Variants in PAPPA observed in about 807,000 individuals in gnomAD.
The protein encoded by PAPPA is pappalysin 1.
In PAPPA, 60 loss-of-function variants were observed where a neutral mutation model predicts 164.0. The observed-to-expected ratio is 0.37, with a 90% CI of 0.30 to 0.45. The LOEUF (loss-of-function observed/expected upper bound fraction) is 0.45. Ranked by LOEUF, PAPPA falls within the 20% of genes least tolerant of loss-of-function variation. PAPPA has a pLI of 1.00. For missense variants in PAPPA, 1,782 were observed against 2,087.3 expected, an observed-to-expected ratio of 0.85 and a Z score of 2.85; for synonymous variants, 875 against 814.1, an observed-to-expected ratio of 1.07 and a Z score of -1.27.
chr9:116,399,319 A>G lies in PAPPA; in HGVS notation c.*2703A>G, dbSNP rs760597287. 2.0e-5 allele frequency: 3 copies of G among 152,688 alleles called. No individual in the cohort carries two copies. The highest frequency in any genetic ancestry group is 4.4e-5 in the Non-Finnish European group (3 of 68,074). The allele number at this position is 152,688 out of a possible 1,614,324, so 9.5% of individuals were successfully genotyped here. A position where few individuals can be genotyped will look rare whatever the true frequency, so the allele number is the denominator to read the frequency against. ...ATTTGCCAAGGATATTAGGCAAAAG[A>G]GGCTACTTGATTGGTGGCCAACCTC... On this transcript the variant is annotated 3_prime_UTR_variant, in exon 22 of 22. Transcript: ENST00000328252.
At chr9:116,388,758 T>G (rs1846850029) in intron 21 of PAPPA, among the ~76,000 whole-genome samples, 1 of 152,186 alleles carries the variant, frequency 6.6e-6, no homozygotes, top group Admixed American at 6.5e-5. Flanking sequence ...GACTGAGACC[T>G]ACAGAGAATA....
At chr9:116,389,357 T>G (rs1183956730) in intron 21 of PAPPA, among the ~76,000 whole-genome samples, 2 of 152,138 alleles carry the variant, frequency 1.3e-5, no homozygotes, top group South Asian at 4.2e-4. Flanking sequence ...GGTCTTGAAC[T>G]CCTGACCTCG....
In PAPPA at chr9:116,224,984, G is replaced by A. The variant is rs147519236; in HGVS notation, c.2112-2447G>A. ...ATACAATTCCTAGATGTGTAGGACA[G>A]GACATCATACATTTGCTTCAGCTGG... On this transcript the variant is annotated intron_variant, in intron 5 of 21. Transcript: ENST00000328252. Among the ~76,000 whole-genome samples the A allele has an allele frequency of 2.0e-4, 30 of 152,286 alleles. No individual in the cohort carries two copies. In the East Asian group the frequency reaches 5.6e-3, roughly 28 times the overall value.
At chr9:116,383,744 T>C (rs1422100622) in intron 21 of PAPPA, among the ~76,000 whole-genome samples, 1 of 152,226 alleles carries the variant, frequency 6.6e-6, no homozygotes, top group South Asian at 2.1e-4. Context: ...GATCAGTCAG[T>C]CCCAGGTGGG....
chr9:116,212,793 T>C (rs1284613002), intron 4 of PAPPA, among the ~76,000 whole-genome samples: 2 of 152,278 alleles, frequency 1.3e-5, no homozygotes, highest in Non-Finnish European at 1.5e-5. Flanking sequence ...GAATAAATTC[T>C]CTTATAACAG....
chr9:116,326,742 C>T (rs1023665412), intron 10 of PAPPA, among the ~76,000 whole-genome samples: 1 of 152,174 alleles, frequency 6.6e-6, no homozygotes, highest in African/African-American at 2.4e-5. Flanking sequence ...AATCACTTTT[C>T]CCTTCCCCAT....
chr9:116,207,900 C>A (rs1293425913), intron 3 of PAPPA, among the ~76,000 whole-genome samples: 2 of 152,156 alleles, frequency 1.3e-5, no homozygotes, highest in Non-Finnish European at 2.9e-5. Context: ...GTGACAGTCA[C>A]AATTGGAATT....
At chr9:116,206,066 A>C (rs1427935296) in intron 2 of PAPPA, among the ~76,000 whole-genome samples, 1 of 152,196 alleles carries the variant, frequency 6.6e-6, no homozygotes, top group Admixed American at 6.5e-5. Context: ...ACGACAGAGC[A>C]GACTGATTAG....
intron 6 of PAPPA, among the ~76,000 whole-genome samples, chr9:116,231,549 G>A (rs567817469): frequency 2.0e-5 from 3 of 151,972 alleles, no homozygotes; most frequent in African/African-American, 7.3e-5. Context: ...AAGACTAAAA[G>A]CTCCCTGAGA....
At chr9:116,361,789 A>AC (rs1846430264) in intron 17 of PAPPA, among the ~76,000 whole-genome samples, 1 of 152,110 alleles carries the variant, frequency 6.6e-6, no homozygotes, top group Non-Finnish European at 1.5e-5. Context: ...TCACTTCTGC[A>AC]CCCCACAGAG....
chr9:116,217,866 C>T (rs944536252), intron 4 of PAPPA, among the ~76,000 whole-genome samples: 8 of 152,202 alleles, frequency 5.3e-5, no homozygotes, highest in African/African-American at 1.7e-4. Flanking sequence ...ATTCTGTGTG[C>T]ACTAATCTAG....
intron 10 of PAPPA, among the ~76,000 whole-genome samples, chr9:116,307,929 T>G (rs146690658): frequency 1.3e-5 from 2 of 152,208 alleles, no homozygotes; most frequent in African/African-American, 2.4e-5. Flanking sequence ...AAATGAAGGA[T>G]GCAGAGAAAA....
At chr9:116,387,444 C>T (rs994181428) in intron 21 of PAPPA, among the ~76,000 whole-genome samples, 5 of 152,146 alleles carry the variant, frequency 3.3e-5, no homozygotes, top group African/African-American at 1.2e-4. Flanking sequence ...TGGAGTGGCT[C>T]ACTTCAGCCT....
chr9:116,189,941 G>C (rs1844022181), intron 2 of PAPPA, among the ~76,000 whole-genome samples: 1 of 152,210 alleles, frequency 6.6e-6, no homozygotes, highest in African/African-American at 2.4e-5. Context: ...CCCGGCACCA[G>C]GAGGGCCCCT....
rs67162181 is a variant in PAPPA at position 116,250,013 on chromosome 9, A to ATGTGTGTG, written c.2732+14408_2732+14415dup. 2.5e-3 allele frequency among the ~76,000 whole-genome samples: 363 copies of ATGTGTGTG among 143,638 alleles called. 3 individuals carry two copies. The highest frequency in any genetic ancestry group is 6.0e-3 in the African/African-American group (227 of 37,792). 94.2% of individuals were successfully genotyped at this position (143,638 alleles called of 152,430 possible). ...TACATGCATGCATGAGTACCTGCAT[A>ATGTGTGTG]TGTGTGTGTGTGTGTGTGTGTGTGT... is the stretch of plus-strand genomic sequence containing the variant. On this transcript the variant is annotated intron_variant, in intron 7 of 21. Coordinates refer to ENST00000328252, the MANE Select transcript of PAPPA (RefSeq NM_002581.5).
intron 1 of PAPPA, among the ~76,000 whole-genome samples, chr9:116,160,348 G>A (rs1395795128): frequency 1.3e-5 from 2 of 151,948 alleles, no homozygotes; most frequent in Non-Finnish European, 2.9e-5. Context: ...AACCATGGTG[G>A]TCCCCATCTT....
intron 9 of PAPPA, among the ~76,000 whole-genome samples, chr9:116,291,794 G>A (rs969653916): frequency 1.0e-4 from 15 of 150,622 alleles, no homozygotes; most frequent in Non-Finnish European, 1.9e-4. Flanking sequence ...ATGGGAGCAG[G>A]GAACAATAAT....
chr9:116,326,087 C>T (rs769328632), intron 10 of PAPPA, among the ~76,000 whole-genome samples: 47 of 151,980 alleles, frequency 3.1e-4, no homozygotes, highest in Non-Finnish European at 6.6e-4. Flanking sequence ...AGAGGACTGT[C>T]CAATGGTACA....
intron 1 of PAPPA, among the ~76,000 whole-genome samples, chr9:116,173,297 C>G (rs1843794664): frequency 1.3e-5 from 2 of 152,194 alleles, no homozygotes; most frequent in Non-Finnish European, 2.9e-5. Flanking sequence ...AAACCTCTCT[C>G]TTTGAAATTG....
Sources: gnomAD v4.1 joint callset for allele counts (sites outside exome capture counted in the v4.1 genomes callset) on GRCh38, gnomAD v4.1.1 for gene constraint, MANE v1.5 for transcripts, NCBI Gene and HGNC (gene_info 2026-07-23, HGNC 2026-07-21) for gene names.